The following NARS2 variants were observed in gnomAD, a reference collection of about 807,000 sequenced individuals.
NARS2 encodes asparaginyl-tRNA synthetase.
NARS2 carries 60 observed loss-of-function variants against 62.9 expected under a neutral mutation model. The observed-to-expected ratio is 0.95, with a 90% CI of 0.77 to 1.18. NARS2 has a LOEUF of 1.18. Among genes scored for constraint, NARS2 ranks in the 50% most tolerant of loss-of-function variants. The probability of loss-of-function intolerance (pLI) is 0.00; values close to 1 mark genes in which losing one functional copy is unlikely to be tolerated. For missense variants in NARS2, 619 were observed against 576.4 expected (o/e 1.07, Z -0.76); for synonymous variants, 196 against 200.0 (o/e 0.98, Z 0.17).
chr11:78,570,403 G>C (rs971792271), intron 2 of NARS2, among the ~76,000 whole-genome samples: 1 of 152,094 alleles, frequency 6.6e-6, no homozygotes, highest in African/African-American at 2.4e-5. Context: ...GGTTTGGGGG[G>C]TTTTTTGGAG....
In NARS2 at chr11:78,574,532, C is replaced by T. The variant is rs768666874; in HGVS notation, c.-44G>A. The T allele has an allele frequency of 1.9e-6, 3 of 1,545,226 alleles. No individual in the cohort carries two copies. On this transcript the variant is annotated 5_prime_UTR_variant, in exon 1 of 14. The change creates a new upstream start codon in the 5' untranslated region. Transcript: ENST00000281038. ...CTCCGCGGGAGCAGCCCAGACCCCA[C>T]GGTTCGAACCCCGCCTGCAGCGGCC...
At position 78,568,709 on chromosome 11, in the gene NARS2, T is replaced by A. The variant is rs776928642; in HGVS notation, c.295A>T (p.Ile99Leu). The change falls in exon 3 of 14, where the codon ATA (isoleucine) becomes TTA (leucine). Residue 99 changes from isoleucine to leucine, a missense_variant. Coordinates refer to ENST00000281038, the MANE Select transcript of NARS2 (RefSeq NM_024678.6). The stretch of plus-strand genomic sequence containing the variant: ...TTTTGCCTTTTGGATGGACTTTTTA[T>A]CAGCTGCCCTTGTACTTCCACAGAA... ...GSSVEVQGQL[I>L]KSPSKRQNVE... 6 of 1,612,764 alleles carry A rather than the reference T, an allele frequency of 3.7e-6. No homozygotes were observed. In the East Asian group the frequency reaches 1.3e-4, roughly 36 times the overall value.
In NARS2 at chr11:78,574,464, G is replaced by A. The variant is rs141907023; in HGVS notation, c.25C>T (p.Arg9Trp). 392 of 1,613,204 alleles carry A rather than the reference G, an allele frequency of 2.4e-4. 1 individual carries two copies. In the African/African-American group the frequency reaches 4.5e-3, roughly 19 times the overall value. MLGVRCLL[R>W]SVRFCSSAPF... ...GCGGAGGAACAGAAGCGCACGGACC[G>A]CAGCAGGCAGCGGACCCCCAGCATC... is the stretch of plus-strand genomic sequence containing the variant. Residue 9 changes from arginine to tryptophan, a missense_variant, in exon 1 of 14, where the codon CGG becomes TGG. Transcript: ENST00000281038.
intron 1 of NARS2, among the ~76,000 whole-genome samples, chr11:78,574,132 G>A (rs1488899463): frequency 6.6e-6 from 1 of 152,194 alleles, no homozygotes; most frequent in Non-Finnish European, 1.5e-5. Flanking sequence ...TAATACCCTG[G>A]AATCATGAAA....
chr11:78,544,670 T>C (rs1165135676), intron 5 of NARS2, among the ~76,000 whole-genome samples: 12 of 151,962 alleles, frequency 7.9e-5, no homozygotes, highest in Admixed American at 7.2e-4. Context: ...GGTGGGTGCC[T>C]GTAGTCCCAG....
At chr11:78,561,053 G>A (rs1296509779) in intron 4 of NARS2, among the ~76,000 whole-genome samples, 3 of 152,182 alleles carry the variant, frequency 2.0e-5, no homozygotes, top group Non-Finnish European at 4.4e-5. Flanking sequence ...CTGGTCAAAT[G>A]CCACAAGAAA....
intron 5 of NARS2, among the ~76,000 whole-genome samples, chr11:78,554,500 C>CGTGTGTGCGTGTGTGT (rs1856260552): frequency 2.4e-5 from 1 of 42,498 alleles, no homozygotes; most frequent in Admixed American, 2.3e-4. Flanking sequence ...TATTCCTAGG[C>CGTGTGTGCGTGTGTGT]GTGTGTGCGT....
At chr11:78,486,756 A>G (rs1048875346) in intron 7 of NARS2, among the ~76,000 whole-genome samples, 2 of 152,208 alleles carry the variant, frequency 1.3e-5, no homozygotes, top group African/African-American at 4.8e-5. Flanking sequence ...ATGAATTCTC[A>G]TGAGAAAAAA....
At chr11:78,476,562 AT>A (rs1262097749) in intron 9 of NARS2, among the ~76,000 whole-genome samples, 1 of 152,074 alleles carries the variant, frequency 6.6e-6, no homozygotes, top group Non-Finnish European at 1.5e-5. Flanking sequence ...AAATTTTGGG[AT>A]TTTCAAAAAG....
intron 5 of NARS2, among the ~76,000 whole-genome samples, chr11:78,544,852 C>T (rs1051528458): frequency 6.9e-5 from 10 of 145,782 alleles, no homozygotes; most frequent in African/African-American, 2.3e-4. Flanking sequence ...TGGTGGTGGG[C>T]ACCTGTAATC....
intron 11 of NARS2, among the ~76,000 whole-genome samples, chr11:78,452,665 T>A (rs114394550): frequency 0.016 from 2,446 of 152,144 alleles, 56 homozygotes; most frequent in African/African-American, 0.056. Context: ...TGCTTCTACC[T>A]CCCAAAGTGG....
intron 6 of NARS2, among the ~76,000 whole-genome samples, chr11:78,501,083 C>T (rs1338349588): frequency 1.3e-5 from 2 of 152,118 alleles, no homozygotes; most frequent in African/African-American, 4.8e-5. Context: ...CAGAGTGAGA[C>T]CCTGTCTCAA....
chr11:78,439,098 C>T (rs548369411), intron 13 of NARS2, among the ~76,000 whole-genome samples: 7 of 151,474 alleles, frequency 4.6e-5, no homozygotes, highest in Non-Finnish European at 7.4e-5. Context: ...AATGCAATGG[C>T]GTGATCTTGG....
Position 78,436,786 on chromosome 11 carries a change from C to T in NARS2, c.1318G>A (p.Val440Met), listed in dbSNP as rs759504704. Residue 440 changes from valine (V) to methionine (M), a missense_variant, in exon 14 of 14, where the codon GTG becomes ATG. Transcript: ENST00000281038. The stretch of plus-strand genomic sequence containing the variant: ...CCCATCCCAAAACCTCCATGTGGCA[C>T]AGATCCAAATCGACGAAGGTCCAGA... ...WYLDLRRFGSVPHGGFGMGFE... is the reference protein window; with the variant it reads ...WYLDLRRFGSMPHGGFGMGFE... The T allele has an allele frequency of 6.2e-7, 1 of 1,614,184 alleles. No individual in the cohort carries two copies. The highest frequency in any genetic ancestry group is 8.5e-7 in the Non-Finnish European group (1 of 1,180,010).
At chr11:78,483,120 C>T (rs1396659243) in intron 7 of NARS2, among the ~76,000 whole-genome samples, 3 of 152,164 alleles carry the variant, frequency 2.0e-5, no homozygotes, top group Non-Finnish European at 4.4e-5. Flanking sequence ...ATCACATAAA[C>T]AGAACCAATG....
chr11:78,569,270 A>T (rs1856839129), intron 2 of NARS2, among the ~76,000 whole-genome samples: 1 of 152,346 alleles, frequency 6.6e-6, no homozygotes, highest in Middle Eastern at 3.4e-3. Flanking sequence ...TCATTTAAGA[A>T]TCATCTATCA....
intron 6 of NARS2, among the ~76,000 whole-genome samples, chr11:78,503,637 C>G (rs1367469671): frequency 6.6e-6 from 1 of 152,094 alleles, no homozygotes; most frequent in East Asian, 1.9e-4. Context: ...CTTGCAGAGG[C>G]CTATATACTA....
intron 5 of NARS2, among the ~76,000 whole-genome samples, chr11:78,552,890 TGACTGA>T (rs766195331): frequency 1.1e-4 from 16 of 152,226 alleles, no homozygotes; most frequent in Non-Finnish European, 2.2e-4. Flanking sequence ...CTTCCTAAAT[TGACTGA>T]GACTTGTCAA....
intron 11 of NARS2, among the ~76,000 whole-genome samples, chr11:78,445,265 C>T (rs1013239382): frequency 1.3e-5 from 2 of 152,090 alleles, no homozygotes; most frequent in Admixed American, 1.3e-4. Context: ...ATTTGTATTT[C>T]TTCAATTACT....
Sources: gnomAD v4.1 joint callset for allele counts (sites outside exome capture counted in the v4.1 genomes callset) on GRCh38, gnomAD v4.1.1 for gene constraint, MANE v1.5 for transcripts, NCBI Gene and HGNC (gene_info 2026-07-23, HGNC 2026-07-21) for gene names.